The following MACROD2 variants were observed in gnomAD, a reference collection of about 807,000 sequenced individuals.
MACROD2 encodes mono-ADP ribosylhydrolase 2.
MACROD2 carries 36 observed loss-of-function variants against 70.4 expected under a neutral mutation model. The observed-to-expected ratio is 0.51, with a 90% CI of 0.39 to 0.68. MACROD2 has a LOEUF of 0.68. MACROD2 is among the 30% of genes least tolerant of loss of function. The pLI is 0.00. For missense variants in MACROD2, 496 were observed against 538.4 expected (o/e 0.92, Z 0.78); for synonymous variants, 172 against 178.8 (o/e 0.96, Z 0.30).
intron 7 of MACROD2, among the ~76,000 whole-genome samples, chr20:15,467,074 A>C (rs969595207): frequency 6.6e-6 from 1 of 152,128 alleles, no homozygotes; most frequent in Non-Finnish European, 1.5e-5. Context: ...CACTCAGGAG[A>C]AAGTGTGTTG....
intron 8 of MACROD2, among the ~76,000 whole-genome samples, chr20:15,793,627 T>C (rs529327342): frequency 6.6e-6 from 1 of 151,938 alleles, no homozygotes; most frequent in African/African-American, 2.4e-5. Context: ...TTAAATATTT[T>C]GTTTGGTAAT....
intron 5 of MACROD2, among the ~76,000 whole-genome samples, chr20:14,766,037 T>C (rs2072083925): frequency 6.6e-6 from 1 of 152,106 alleles, no homozygotes; most frequent in Admixed American, 6.5e-5. Context: ...CAACATTGGA[T>C]TCAGGATCAC....
intron 4 of MACROD2, among the ~76,000 whole-genome samples, chr20:14,642,493 C>T (rs1020406668): frequency 7.2e-5 from 11 of 152,126 alleles, no homozygotes; most frequent in Non-Finnish European, 1.6e-4. Flanking sequence ...TTTGATGTGC[C>T]TTTCTCACTA....
chr20:14,959,663 A>G (rs563054448), intron 5 of MACROD2, among the ~76,000 whole-genome samples: 1 of 152,282 alleles, frequency 6.6e-6, no homozygotes, highest in South Asian at 2.1e-4. Flanking sequence ...CAATGTGAAC[A>G]ATGCCCCCTG....
At chr20:15,367,427 A>G (rs2045427034) in intron 6 of MACROD2, among the ~76,000 whole-genome samples, 1 of 152,198 alleles carries the variant, frequency 6.6e-6, no homozygotes, top group Non-Finnish European at 1.5e-5. Flanking sequence ...AGCATGATGA[A>G]TATTATTCAT....
intron 10 of MACROD2, among the ~76,000 whole-genome samples, chr20:15,922,932 G>T (rs549873480): frequency 6.6e-6 from 1 of 151,422 alleles, no homozygotes; most frequent in African/African-American, 2.4e-5. Context: ...AAATTTTAGT[G>T]AAAAGGTAAA....
chr20:15,995,322 CTT>C (rs201165883), intron 15 of MACROD2, among the ~76,000 whole-genome samples: 10 of 141,654 alleles, frequency 7.1e-5, no homozygotes, highest in African/African-American at 1.5e-4. Flanking sequence ...GGATGTAAGT[CTT>C]TTTTTTTTTT....
In MACROD2 at chr20:14,801,431, C is replaced by G. The variant is rs147695371; in HGVS notation, c.418+116472C>G. 1.3e-4 allele frequency among the ~76,000 whole-genome samples: 20 copies of G among 152,250 alleles called. 1 individual carries two copies. In the East Asian group the frequency reaches 3.9e-3, roughly 29 times the overall value. ...TTTGTGCAGACTTTGTATATTCATA[C>G]ACCTGTTAAAGATTTCAGCGTTAAT... On this transcript the variant is annotated intron_variant, in intron 5 of 17. Coordinates refer to ENST00000684519, the MANE Select transcript of MACROD2 (RefSeq NM_001351661.2).
chr20:15,300,263 A>G (rs190667448), intron 6 of MACROD2, among the ~76,000 whole-genome samples: 42 of 152,330 alleles, frequency 2.8e-4, no homozygotes, highest in African/African-American at 9.1e-4. Context: ...AGGCCTTGCA[A>G]AGATGCTCAT....
At position 13,995,608 on chromosome 20, in the gene MACROD2, C is replaced by G; in HGVS notation, c.-156C>G. On this transcript the variant is annotated 5_prime_UTR_variant, in exon 1 of 18. Coordinates refer to ENST00000684519, the MANE Select transcript of MACROD2 (RefSeq NM_001351661.2). The surrounding 1 kb of genome is among the most constrained non-coding windows in gnomAD (Gnocchi z 4.3). ...GCGGGCTGAGGGAGGAGGGCGGCGACTGGAGAGCGGCGAGCGGCGAGCAGC... is the reference window on the plus strand; with the variant it reads ...GCGGGCTGAGGGAGGAGGGCGGCGAGTGGAGAGCGGCGAGCGGCGAGCAGC... 1 of 751,038 alleles carries G rather than the reference C, an allele frequency of 1.3e-6. No homozygotes were observed. The highest frequency in any genetic ancestry group is 1.5e-5 in the South Asian group (1 of 64,966). The allele number at this position is 751,038 out of a possible 1,614,324, so 46.5% of individuals were successfully genotyped here. A position where few individuals can be genotyped will look rare whatever the true frequency, so the allele number is the denominator to read the frequency against.
chr20:14,428,742 T>C (rs2083962676), intron 3 of MACROD2, among the ~76,000 whole-genome samples: 1 of 152,204 alleles, frequency 6.6e-6, no homozygotes, highest in Non-Finnish European at 1.5e-5. Context: ...TGTACACTTA[T>C]TACCCGTGAA....
chr20:16,013,725 C>G (rs1047403186), intron 15 of MACROD2, among the ~76,000 whole-genome samples: 22 of 152,160 alleles, frequency 1.4e-4, no homozygotes, highest in African/African-American at 5.1e-4. Flanking sequence ...AGGAGAGAGA[C>G]AGAGAAAGTA....
chr20:14,220,979 T>G (rs1454920175), intron 3 of MACROD2, among the ~76,000 whole-genome samples: 1 of 152,156 alleles, frequency 6.6e-6, no homozygotes, highest in Non-Finnish European at 1.5e-5. Context: ...AAATTCACAG[T>G]GCGAGGTGCC....
intron 8 of MACROD2, among the ~76,000 whole-genome samples, chr20:15,614,917 G>A (rs1417503728): frequency 6.6e-6 from 1 of 152,084 alleles, no homozygotes; most frequent in East Asian, 1.9e-4. Flanking sequence ...ATAAAATTCT[G>A]CATACTTCTG....
At chr20:15,398,289 C>T (rs1443518611) in intron 6 of MACROD2, among the ~76,000 whole-genome samples, 1 of 152,118 alleles carries the variant, frequency 6.6e-6, no homozygotes, top group Non-Finnish European at 1.5e-5. Flanking sequence ...TCATATCATT[C>T]TCTTGATTTT....
At chr20:14,037,998 A>T (rs150873888) in intron 2 of MACROD2, among the ~76,000 whole-genome samples, 1 of 152,046 alleles carries the variant, frequency 6.6e-6, no homozygotes, top group East Asian at 1.9e-4. Flanking sequence ...CTCAATTAAA[A>T]AACAAACAAA....
chr20:15,143,756 GTTAAT>G (rs2076209477), intron 5 of MACROD2, among the ~76,000 whole-genome samples: 1 of 97,898 alleles, frequency 1.0e-5, no homozygotes, highest in African/African-American at 3.7e-5. Context: ...ATTTATATCT[GTTAAT>G]TTTTTTCTTT....
At chr20:14,179,048 G>A (rs146244024) in intron 3 of MACROD2, among the ~76,000 whole-genome samples, 1 of 152,220 alleles carries the variant, frequency 6.6e-6, no homozygotes, top group East Asian at 1.9e-4. Context: ...TTACCTCTGG[G>A]TGAGAGAATG....
chr20:14,139,632 C>A (rs1385958843), intron 3 of MACROD2, among the ~76,000 whole-genome samples: 1 of 152,120 alleles, frequency 6.6e-6, no homozygotes, highest in African/African-American at 2.4e-5. Flanking sequence ...AAGTTTGAGG[C>A]TCTACTATTT....
Sources: allele counts gnomAD v4.1 joint callset (sites outside exome capture counted in the v4.1 genomes callset), GRCh38; gene constraint gnomAD v4.1.1; non-coding constraint Gnocchi (gnomAD v3.1); transcripts MANE v1.5; gene names NCBI Gene and HGNC (gene_info 2026-07-23, HGNC 2026-07-21).